DIAPH3: variants seen among roughly 807,000 people sequenced by gnomAD.
DIAPH3 encodes the protein protein diaphanous homolog 3.
In DIAPH3, 117 loss-of-function variants were observed where a neutral mutation model predicts 144.3. The ratio of observed to expected loss-of-function variants is 0.81; its 90% CI spans 0.70 to 0.95. The LOEUF is 0.95. DIAPH3 is among the 40% of genes least tolerant of loss of function. DIAPH3 has a pLI of 0.00. For missense variants in DIAPH3, 1,421 were observed against 1,412.7 expected (o/e 1.01, Z -0.09); for synonymous variants, 519 against 488.9 (o/e 1.06, Z -0.81).
chr13:59,756,409 A>AAAGGAAGGAAGGAAGGAAGGAAGGAAGG (rs762777029), intron 27 of DIAPH3, among the ~76,000 whole-genome samples: 45 of 137,624 alleles, frequency 3.3e-4, no homozygotes, highest in Admixed American at 9.2e-4. Flanking sequence ...AATTTAGTAA[A>AAAGGAAGGAAGGAAGGAAGGAAGGAAGG]AAGGAAGGAA....
intron 27 of DIAPH3, among the ~76,000 whole-genome samples, chr13:59,723,702 C>T (rs2035462835): frequency 6.6e-6 from 1 of 151,936 alleles, no homozygotes; most frequent in South Asian, 2.1e-4. Context: ...TCTCCGCCTC[C>T]TGGGTTCAAG....
intron 27 of DIAPH3, among the ~76,000 whole-genome samples, chr13:59,675,730 A>G (rs2032615524): frequency 6.6e-6 from 1 of 152,180 alleles, no homozygotes; most frequent in South Asian, 2.1e-4. Flanking sequence ...AAGTCCATGA[A>G]CTGCCAAGGC....
intron 27 of DIAPH3, among the ~76,000 whole-genome samples, chr13:59,772,071 A>G (rs1425403557): frequency 6.6e-6 from 1 of 152,124 alleles, no homozygotes; most frequent in Non-Finnish European, 1.5e-5. Flanking sequence ...ATTAAAAAAT[A>G]AGTTCAATCT....
chr13:59,957,194 G>A (rs1309682420), intron 17 of DIAPH3, among the ~76,000 whole-genome samples: 1 of 152,124 alleles, frequency 6.6e-6, no homozygotes, highest in Non-Finnish European at 1.5e-5. Context: ...GTGATATTTG[G>A]GAGGGACCAG....
chr13:59,874,735 C>A (rs1308464372), intron 21 of DIAPH3, among the ~76,000 whole-genome samples: 6 of 152,040 alleles, frequency 3.9e-5, no homozygotes, highest in African/African-American at 1.4e-4. Flanking sequence ...GCATAAATAC[C>A]AATAAAAATT....
chr13:59,996,755 C>T (rs1348913516), intron 9 of DIAPH3, among the ~76,000 whole-genome samples: 1 of 151,946 alleles, frequency 6.6e-6, no homozygotes, highest in African/African-American at 2.4e-5. Flanking sequence ...GAGTCAAAGG[C>T]CATCTTAAGA....
chr13:59,744,120 T>G (rs1320088645), intron 27 of DIAPH3, among the ~76,000 whole-genome samples: 2 of 152,198 alleles, frequency 1.3e-5, no homozygotes, highest in East Asian at 1.9e-4. Flanking sequence ...CCCTATGACT[T>G]GTACATTTTC....
rs78702039 is a variant in DIAPH3, at chr13:59,675,738, G to A, written c.3320-8892C>T. On this transcript the variant is annotated intron_variant, in intron 27 of 27. Transcript: ENST00000400324. Reference sequence around the variant, plus strand: ...TTTAGAGAAGTCCATGAACTGCCAAGGCCACACAGGCTTTGCTATTTGCCT... The same window carrying A: ...TTTAGAGAAGTCCATGAACTGCCAAAGCCACACAGGCTTTGCTATTTGCCT... Among the ~76,000 whole-genome samples the A allele has an allele frequency of 5.8e-3, 883 of 152,306 alleles. 3 individuals carry two copies. Among genetic ancestry groups the A allele is most frequent in the Non-Finnish European group, 9.9e-3 (674 of 68,028 alleles).
intron 25 of DIAPH3, among the ~76,000 whole-genome samples, chr13:59,802,919 CAT>C: frequency 6.6e-6 from 1 of 151,152 alleles, no homozygotes. Flanking sequence ...CTCCTGACCT[CAT>C]GATCCACCCG....
At chr13:59,952,706 A>G (rs759897286) in intron 17 of DIAPH3, among the ~76,000 whole-genome samples, 1 of 152,166 alleles carries the variant, frequency 6.6e-6, no homozygotes, top group Non-Finnish European at 1.5e-5. Context: ...AAGTCATCAG[A>G]GGCAGAGTTA....
At chr13:60,131,193 C>T (rs1342846532) in intron 2 of DIAPH3, among the ~76,000 whole-genome samples, 1 of 151,990 alleles carries the variant, frequency 6.6e-6, no homozygotes, top group East Asian at 1.9e-4. Context: ...CTTTTGGAGG[C>T]CACGGCAGAA....
chr13:60,001,166 T>G (rs770772942), intron 9 of DIAPH3, among the ~76,000 whole-genome samples: 5 of 152,180 alleles, frequency 3.3e-5, no homozygotes, highest in Non-Finnish European at 5.9e-5. Context: ...TCTAGTATAA[T>G]AAAGATAATG....
intron 14 of DIAPH3, among the ~76,000 whole-genome samples, chr13:59,978,459 C>A (rs1168889771): frequency 4.6e-5 from 7 of 151,412 alleles, no homozygotes; most frequent in Admixed American, 4.0e-4. Flanking sequence ...TTTCATAAAT[C>A]CTAGACTAAA....
chr13:59,882,241 A>C (rs939892223), intron 20 of DIAPH3, among the ~76,000 whole-genome samples: 12 of 152,084 alleles, frequency 7.9e-5, no homozygotes, highest in African/African-American at 2.7e-4. Flanking sequence ...GCCATGAGCC[A>C]CCACGCCCGG....
chr13:60,134,231 C>T (rs1228842380), intron 1 of DIAPH3, among the ~76,000 whole-genome samples: 1 of 152,174 alleles, frequency 6.6e-6, no homozygotes, highest in Non-Finnish European at 1.5e-5. Context: ...ATTAAACTGC[C>T]TTGTTGAATT....
At chr13:59,826,843 A>G (rs2041461633) in intron 24 of DIAPH3, among the ~76,000 whole-genome samples, 2 of 152,058 alleles carry the variant, frequency 1.3e-5, no homozygotes, top group African/African-American at 4.8e-5. Flanking sequence ...GATATAGATC[A>G]ATGGAACAGA....
At chr13:59,716,016 C>T (rs2035033161) in intron 27 of DIAPH3, among the ~76,000 whole-genome samples, 1 of 152,078 alleles carries the variant, frequency 6.6e-6, no homozygotes, top group Non-Finnish European at 1.5e-5. Context: ...TCTTAATGCA[C>T]AAAAATGTCA....
In DIAPH3 at chr13:59,916,252, A is replaced by G; in HGVS notation, c.2171-3T>C. On this transcript the variant is annotated splice_polypyrimidine_tract_variant and splice_region_variant and intron_variant, in intron 18 of 27. Coordinates refer to ENST00000400324, the MANE Select transcript of DIAPH3 (RefSeq NM_001042517.2). Reference sequence around the variant, plus strand: ...CCGAAAAGAGCTCAGGAAGATTGCTAAGAAGGAGAAAGAGAGAAAGGTTTA... The same window carrying G: ...CCGAAAAGAGCTCAGGAAGATTGCTGAGAAGGAGAAAGAGAGAAAGGTTTA... 6.2e-7 allele frequency: 1 copy of G among 1,607,792 alleles called. No individual in the cohort carries two copies. Among genetic ancestry groups the G allele is most frequent in the Non-Finnish European group, 8.5e-7 (1 of 1,174,528 alleles).
chr13:59,816,139 T>G (rs1232148160), intron 24 of DIAPH3, among the ~76,000 whole-genome samples: 2 of 152,102 alleles, frequency 1.3e-5, no homozygotes, highest in Non-Finnish European at 2.9e-5. Flanking sequence ...AAGCCATACT[T>G]TCACTTCTAG....
Sources: gnomAD v4.1 joint callset for allele counts (sites outside exome capture counted in the v4.1 genomes callset) on GRCh38, gnomAD v4.1.1 for gene constraint, MANE v1.5 for transcripts, NCBI Gene and HGNC (gene_info 2026-07-23, HGNC 2026-07-21) for gene names.